The following RANBP2 variants were observed in gnomAD, a reference collection of about 807,000 sequenced individuals.
RANBP2 encodes the protein RAN binding protein 2.
A neutral mutation model predicts 303.6 loss-of-function variants in RANBP2; 57 were observed. That is an observed-to-expected ratio of 0.19 (90% CI 0.15 to 0.23). The LOEUF is 0.23. RANBP2 is among the 10% of genes least tolerant of loss of function. The probability of loss-of-function intolerance (pLI) is 1.00; values close to 1 mark genes in which losing one functional copy is unlikely to be tolerated. For missense variants in RANBP2, 3,138 were observed against 3,780.8 expected, an observed-to-expected ratio of 0.83 and a Z score of 4.46; for synonymous variants, 1,167 against 1,301.5, an observed-to-expected ratio of 0.90 and a Z score of 2.23.
chr2:109,615,789 G>A, the RANBP2 span: 2 of 1,614,030 alleles, frequency 1.2e-6, no homozygotes, highest in Non-Finnish European at 1.7e-6. Flanking sequence ...CGCCCTAGAA[G>A]ATGGAGGGGA....
chr2:108,854,037 AATATATAATAAATTTATATTATATATATT>A, the RANBP2 span, among the ~76,000 whole-genome samples: 18 of 69,350 alleles, frequency 2.6e-4, no homozygotes, highest in African/African-American at 1.0e-3. Context: ...TATTATATAT[AATATATAATAAATTTATATTATATATATT>A]TTATATATAA....
the RANBP2 span, chr2:108,929,168 C>T: frequency 6.2e-7 from 1 of 1,613,240 alleles, no homozygotes; most frequent in Non-Finnish European, 8.5e-7. Flanking sequence ...AGAAAGCATG[C>T]CAGGGTTTGC....
chr2:109,420,737 G>T, the RANBP2 span, among the ~76,000 whole-genome samples: 771 of 152,228 alleles, frequency 5.1e-3, 7 homozygotes, highest in African/African-American at 0.017. Context: ...GAGCCACCGC[G>T]CCCGGCCAAA....
the RANBP2 span, among the ~76,000 whole-genome samples, chr2:109,558,619 C>T: frequency 7.2e-5 from 11 of 152,210 alleles, no homozygotes; most frequent in South Asian, 1.9e-3. Flanking sequence ...ACGTGGGCCT[C>T]GTGACAAGCC....
At chr2:109,614,368 G>C in the RANBP2 span, 12 of 813,924 alleles carry the variant, frequency 1.5e-5, no homozygotes, top group East Asian at 7.8e-5. Flanking sequence ...GGCCTCAGAC[G>C]CGTAGGCTGG....
chr2:109,455,260 G>T, the RANBP2 span, among the ~76,000 whole-genome samples: 3 of 152,124 alleles, frequency 2.0e-5, no homozygotes, highest in Admixed American at 6.5e-5. Context: ...GCTGGCCTTG[G>T]GGGGAGAAAG....
chr2:109,303,038 T>C, the RANBP2 span, among the ~76,000 whole-genome samples: 1 of 152,116 alleles, frequency 6.6e-6, no homozygotes. Flanking sequence ...CACCATGCCC[T>C]ACTAATTTTG....
the RANBP2 span, among the ~76,000 whole-genome samples, chr2:108,987,735 A>T: frequency 6.6e-6 from 1 of 152,192 alleles, no homozygotes; most frequent in Non-Finnish European, 1.5e-5. Flanking sequence ...CGCCACCAGG[A>T]TCGCCAAACT....
At chr2:109,318,322 C>T in the RANBP2 span, among the ~76,000 whole-genome samples, 1 of 152,024 alleles carries the variant, frequency 6.6e-6, no homozygotes, top group African/African-American at 2.4e-5. Context: ...GCTGGTGCCT[C>T]CCGGCCCCCA....
chr2:109,030,910 CT>C, the RANBP2 span, among the ~76,000 whole-genome samples: 1 of 152,134 alleles, frequency 6.6e-6, no homozygotes. Flanking sequence ...TCTCCCAAGT[CT>C]TTATTTTCTT....
chr2:108,781,313 A>G lies in RANBP2; in HGVS notation c.8644A>G (p.Thr2882Ala), dbSNP rs917885464. 1 of 1,614,212 alleles carries G rather than the reference A, an allele frequency of 6.2e-7. No homozygotes were observed. The highest frequency in any genetic ancestry group is 1.7e-5 in the Admixed American group (1 of 60,028). ...WANTGAAVFG[T>A]QSVGTQSAGK... ...AAATACTGGAGCAGCTGTGTTTGGAACACAGTCAGTCGGAACCCAGTCAGC... is the reference window on the plus strand; with the variant it reads ...AAATACTGGAGCAGCTGTGTTTGGAGCACAGTCAGTCGGAACCCAGTCAGC... Residue 2882 changes from threonine to alanine, a missense_variant, in exon 26 of 29, where the codon ACA (threonine) becomes GCA (alanine). By Grantham distance (58) the Thr-to-Ala change is moderately conservative. Around this residue, in one of 20 missense-constraint regions of RANBP2, gnomAD observed 497 missense variants for 465.8 expected, o/e 1.07. Coordinates refer to ENST00000283195, the MANE Select transcript of RANBP2 (RefSeq NM_006267.5).
chr2:109,676,352 A>G, the RANBP2 span, among the ~76,000 whole-genome samples: 1 of 152,220 alleles, frequency 6.6e-6, no homozygotes, highest in Admixed American at 6.5e-5. Flanking sequence ...CAGGCCCTCC[A>G]ACTCAGTAAG....
chr2:108,791,775 A>G, the RANBP2 span: 2 of 1,596,042 alleles, frequency 1.3e-6, no homozygotes, highest in South Asian at 2.3e-5. Context: ...GAAAATAACC[A>G]AGCAGTCTTT....
chr2:108,851,659 T>C, the RANBP2 span, among the ~76,000 whole-genome samples: 2 of 152,078 alleles, frequency 1.3e-5, no homozygotes, highest in South Asian at 2.1e-4. Context: ...CACCAGGATA[T>C]AGGGCTGGAC....
chr2:109,105,238 G>C, the RANBP2 span, among the ~76,000 whole-genome samples: 1 of 152,192 alleles, frequency 6.6e-6, no homozygotes, highest in Non-Finnish European at 1.5e-5. Context: ...GCAAAACGGT[G>C]GAATTTAACC....
chr2:109,430,510 C>T, the RANBP2 span, among the ~76,000 whole-genome samples: 1 of 151,952 alleles, frequency 6.6e-6, no homozygotes, highest in Admixed American at 6.6e-5. Context: ...ATCCTCTCCC[C>T]ATCTCCTCCT....
chr2:109,510,365 T>G, the RANBP2 span, among the ~76,000 whole-genome samples: 9 of 152,092 alleles, frequency 5.9e-5, no homozygotes. Context: ...GCACAGCAGA[T>G]GCTGGGCAAA....
chr2:108,907,220 C>G, the RANBP2 span, among the ~76,000 whole-genome samples: 2 of 152,166 alleles, frequency 1.3e-5, no homozygotes, highest in Non-Finnish European at 2.9e-5. Flanking sequence ...GTGTGTGTGT[C>G]TAGAAAATTG....
At chr2:109,740,311 TG>T in the RANBP2 span, among the ~76,000 whole-genome samples, 1 of 152,008 alleles carries the variant, frequency 6.6e-6, no homozygotes, top group African/African-American at 2.4e-5. Context: ...GTCTTTAATG[TG>T]TATTTGAGTA....
Sources: allele counts gnomAD v4.1 joint callset (sites outside exome capture counted in the v4.1 genomes callset), GRCh38; gene constraint gnomAD v4.1.1; regional missense constraint gnomAD v4.1.1; transcripts MANE v1.5; gene names NCBI Gene and HGNC (gene_info 2026-07-23, HGNC 2026-07-21).